GRM1: variants seen among roughly 807,000 people sequenced by gnomAD.
GRM1 encodes the protein metabotropic glutamate receptor 1.
Under a neutral mutation model 90.9 loss-of-function variants are expected in GRM1, and 33 were observed. That is an observed-to-expected ratio of 0.36 (90% CI 0.28 to 0.49). GRM1 has a LOEUF of 0.49. Ranked by LOEUF, GRM1 falls within the 20% of genes least tolerant of loss-of-function variation. The pLI, the probability that GRM1 is intolerant of heterozygous loss-of-function variation, is 0.99. For missense variants in GRM1, 1,190 were observed against 1,534.3 expected, an observed-to-expected ratio of 0.78 and a Z score of 3.75; for synonymous variants, 700 against 613.2, an observed-to-expected ratio of 1.14 and a Z score of -2.09.
At chr6:146,354,652 T>A (rs2115047247) in intron 4 of GRM1, among the ~76,000 whole-genome samples, 1 of 152,270 alleles carries the variant, frequency 6.6e-6, no homozygotes, top group East Asian at 1.9e-4. Context: ...CTGTACTTCC[T>A]CCTCCTGTCA....
intron 2 of GRM1, 141 bp from the exon 3 acceptor site, chr6:146,304,470 A>T: frequency 1.4e-6 from 1 of 709,962 alleles, no homozygotes; most frequent in Non-Finnish European, 2.6e-6. Context: ...CTCTCTACCA[A>T]AAAAAAAGTT....
At chr6:146,124,920 C>A (rs1776141395) in intron 1 of GRM1, among the ~76,000 whole-genome samples, 1 of 152,082 alleles carries the variant, frequency 6.6e-6, no homozygotes. Context: ...TTTAAAATTC[C>A]AGTTCCTCAT....
intron 6 of GRM1, among the ~76,000 whole-genome samples, chr6:146,395,104 G>T (rs1308276515): frequency 6.6e-6 from 1 of 151,808 alleles, no homozygotes; most frequent in African/African-American, 2.4e-5. Context: ...TTCTTCCATA[G>T]GCTCCCAAAC....
At chr6:146,066,397 GA>G (rs1486299314) in intron 1 of GRM1, among the ~76,000 whole-genome samples, 48 of 152,124 alleles carry the variant, frequency 3.2e-4, no homozygotes, top group African/African-American at 1.1e-3. Context: ...CAAAGGACAA[GA>G]TTTTTTTAAT....
At chr6:146,057,830 A>G (rs1397764250) in intron 1 of GRM1, among the ~76,000 whole-genome samples, 1 of 152,120 alleles carries the variant, frequency 6.6e-6, no homozygotes, top group Non-Finnish European at 1.5e-5. Context: ...GAAGAACTCT[A>G]AAGAAGATTA....
intron 5 of GRM1, among the ~76,000 whole-genome samples, chr6:146,371,895 A>G (rs1331039208): frequency 6.6e-6 from 1 of 152,066 alleles, no homozygotes; most frequent in East Asian, 1.9e-4. Context: ...TCCAAATCTT[A>G]GCTATTAGAA....
chr6:146,076,597 G>A (rs1398986505), intron 1 of GRM1, among the ~76,000 whole-genome samples: 1 of 152,164 alleles, frequency 6.6e-6, no homozygotes, highest in Non-Finnish European at 1.5e-5. Flanking sequence ...CGGAAGGATG[G>A]AGTTGCACTG....
intron 3 of GRM1, among the ~76,000 whole-genome samples, chr6:146,319,514 G>A (rs1441535110): frequency 6.6e-6 from 1 of 152,124 alleles, no homozygotes; most frequent in African/African-American, 2.4e-5. Context: ...GAAAGTCAAT[G>A]GTAGCTTGAT....
intron 1 of GRM1, among the ~76,000 whole-genome samples, chr6:146,072,228 C>G (rs1173937106): frequency 6.6e-6 from 1 of 152,160 alleles, no homozygotes; most frequent in Non-Finnish European, 1.5e-5. Flanking sequence ...AGAGATACTT[C>G]TTTTCCTTTG....
intron 7 of GRM1, among the ~76,000 whole-genome samples, chr6:146,409,384 C>T (rs1163899289): frequency 2.0e-5 from 3 of 152,128 alleles, no homozygotes; most frequent in Non-Finnish European, 4.4e-5. Flanking sequence ...GGGAAGAAAA[C>T]TCCATGGCTC....
chr6:146,126,023 A>G (rs1349211500), intron 1 of GRM1, among the ~76,000 whole-genome samples: 2 of 152,158 alleles, frequency 1.3e-5, no homozygotes, highest in Non-Finnish European at 2.9e-5. Context: ...ATTCATTTCT[A>G]GTTACAGCCA....
chr6:146,250,402 G>T (rs897062173), intron 2 of GRM1, among the ~76,000 whole-genome samples: 1 of 152,276 alleles, frequency 6.6e-6, no homozygotes, highest in Admixed American at 6.5e-5. Context: ...CTCCCATGCT[G>T]TTTTCATGAT....
chr6:146,037,355 A>C (rs146249303), intron 1 of GRM1, among the ~76,000 whole-genome samples: 103 of 152,152 alleles, frequency 6.8e-4, no homozygotes, highest in African/African-American at 2.3e-3. Context: ...CTTTCTTGTT[A>C]CAAATGAGAA....
At chr6:146,073,344 ACTTT>A (rs1177030090) in intron 1 of GRM1, among the ~76,000 whole-genome samples, 1 of 152,150 alleles carries the variant, frequency 6.6e-6, no homozygotes, top group Non-Finnish European at 1.5e-5. Flanking sequence ...GTTAAAGCAT[ACTTT>A]CTTGTAAAAG....
At chr6:146,367,010 C>T (rs1326572704) in intron 5 of GRM1, among the ~76,000 whole-genome samples, 1 of 152,004 alleles carries the variant, frequency 6.6e-6, no homozygotes. Context: ...CCAATATTTT[C>T]CTCTAGCAGT....
At chr6:146,244,883 C>CA (rs1381212056) in intron 2 of GRM1, among the ~76,000 whole-genome samples, 1 of 152,208 alleles carries the variant, frequency 6.6e-6, no homozygotes, top group African/African-American at 2.4e-5. Context: ...TGGCCATCAG[C>CA]AAACCTTTGG....
At chr6:146,338,527 T>G (rs1784858947) in intron 3 of GRM1, among the ~76,000 whole-genome samples, 1 of 152,202 alleles carries the variant, frequency 6.6e-6, no homozygotes, top group Non-Finnish European at 1.5e-5. Flanking sequence ...ACTCATGAGC[T>G]TATGTATGTT....
chr6:146,154,025 C>T (rs148780731), intron 1 of GRM1, among the ~76,000 whole-genome samples: 2 of 152,334 alleles, frequency 1.3e-5, no homozygotes, highest in African/African-American at 4.8e-5. Context: ...TTTCACCTCT[C>T]TGTGCCTCAG....
At chr6:146,381,403 C>T (rs919769541) in intron 5 of GRM1, among the ~76,000 whole-genome samples, 11 of 152,288 alleles carry the variant, frequency 7.2e-5, no homozygotes, top group African/African-American at 2.6e-4. Flanking sequence ...TCTATTCTAA[C>T]AGGACAGCAC....
Sources: gnomAD v4.1 joint callset for allele counts (sites outside exome capture counted in the v4.1 genomes callset) on GRCh38, gnomAD v4.1.1 for gene constraint, MANE v1.5 for transcripts, NCBI Gene and HGNC (gene_info 2026-07-23, HGNC 2026-07-21) for gene names.